The following TTC28 variants were observed in gnomAD, a reference collection of about 807,000 sequenced individuals.
TTC28 encodes the protein tetratricopeptide repeat protein 28.
In TTC28, 61 loss-of-function variants were observed where a neutral mutation model predicts 198.0. The ratio of observed to expected loss-of-function variants is 0.31; its 90% CI spans 0.25 to 0.38. The LOEUF (loss-of-function observed/expected upper bound fraction) is 0.38, where lower values mean the gene tolerates loss of function less well. Among genes scored for constraint, TTC28 ranks in the 10% least tolerant of loss-of-function variants. The pLI is 1.00. For missense variants in TTC28, 2,678 were observed against 3,164.0 expected, an observed-to-expected ratio of 0.85 and a Z score of 3.69; for synonymous variants, 1,171 against 1,297.8, an observed-to-expected ratio of 0.90 and a Z score of 2.10.
intron 2 of TTC28, among the ~76,000 whole-genome samples, chr22:28,584,530 T>G (rs1410574615): frequency 1.3e-5 from 2 of 152,228 alleles, no homozygotes; most frequent in East Asian, 1.9e-4. Flanking sequence ...CTAAGCTGAC[T>G]AATAAAGTAG....
At chr22:28,248,300 A>G (rs1042993855) in intron 5 of TTC28, among the ~76,000 whole-genome samples, 22 of 152,198 alleles carry the variant, frequency 1.4e-4, no homozygotes, top group African/African-American at 5.3e-4. Context: ...TTCTCACTGT[A>G]GCCAGCCTGG....
intron 19 of TTC28, 55 bp from the exon 20 acceptor site, chr22:27,990,867 G>A (rs957968764): frequency 1.0e-4 from 153 of 1,517,578 alleles, no homozygotes; most frequent in Middle Eastern, 5.0e-4. Context: ...AGAGAGTTTA[G>A]ACTCAAGCAC....
chr22:28,223,296 G>A (rs528949967), intron 5 of TTC28, among the ~76,000 whole-genome samples: 2 of 152,316 alleles, frequency 1.3e-5, no homozygotes, highest in Admixed American at 6.5e-5. Flanking sequence ...AGTAGCATAA[G>A]AAGCAAAGGA....
Position 28,257,739 on chromosome 22 carries a change from C to CATATATATAT in TTC28, c.933+38449_933+38458dup, listed in dbSNP as rs66590909. Among the ~76,000 whole-genome samples, 728 of 96,176 alleles carry CATATATATAT rather than the reference C, an allele frequency of 7.6e-3. 7 individuals carry two copies. Among genetic ancestry groups the CATATATATAT allele is most frequent in the African/African-American group, 0.011 (235 of 21,310 alleles). The allele number at this position is 96,176 out of a possible 152,430, so 63.1% of individuals were successfully genotyped here. On this transcript the variant is annotated intron_variant, in intron 5 of 22. Transcript: ENST00000397906. ...TTACCATCTTTAGATGGTAATAGAA[C>CATATATATAT]ATATATATATATATATATATATATA...
chr22:28,500,115 T>A (rs950721464), intron 2 of TTC28, among the ~76,000 whole-genome samples: 2 of 152,250 alleles, frequency 1.3e-5, no homozygotes, highest in East Asian at 1.9e-4. Flanking sequence ...GAATTGTACA[T>A]CTATCACCAC....
chr22:27,982,775 G>A lies in TTC28; in HGVS notation c.6892C>T (p.His2298Tyr). Residue 2298 changes from histidine to tyrosine, a missense_variant, in exon 23 of 23, where the codon CAC becomes TAC. This residue lies in a region of TTC28 where 622 missense variants were observed against 656.0 expected (regional missense o/e 0.95). Transcript: ENST00000397906. The surrounding 1 kb of genome is among the most constrained non-coding windows in gnomAD (Gnocchi z 5.2). ...ATGTTCCTTGGTGATTTGGAAATGTGAGCGCTGTAAGGAGAGCTGGGGTAC... is the reference window on the plus strand; with the variant it reads ...ATGTTCCTTGGTGATTTGGAAATGTAAGCGCTGTAAGGAGAGCTGGGGTAC... The part of the protein sequence containing the change: ...LKYPSSPYSA[H>Y]ISKSPRNMSP... 4 of 1,549,728 alleles carry A rather than the reference G, an allele frequency of 2.6e-6. No homozygotes were observed. Among genetic ancestry groups the A allele is most frequent in the Non-Finnish European group, 3.5e-6 (4 of 1,145,646 alleles).
rs190451688 is a variant in TTC28, at chr22:28,282,314, C to T, written c.933+13884G>A. On this transcript the variant is annotated intron_variant, in intron 5 of 22. Coordinates refer to ENST00000397906, the MANE Select transcript of TTC28 (RefSeq NM_001145418.2). ...ATGATCCTAATATAAATAGCATATA[C>T]TATATAAAAATGAAAATAGTCTATG... Among the ~76,000 whole-genome samples the T allele has an allele frequency of 2.1e-3, 315 of 152,214 alleles. 3 individuals are homozygous for T. The highest frequency in any genetic ancestry group is 7.4e-3 in the African/African-American group (306 of 41,550).
intron 2 of TTC28, among the ~76,000 whole-genome samples, chr22:28,429,733 T>C (rs921347930): frequency 2.0e-5 from 3 of 152,214 alleles, no homozygotes; most frequent in Non-Finnish European, 2.9e-5. Flanking sequence ...GATGGTATAA[T>C]TGAATACTTA....
At chr22:28,542,297 G>C (rs920833061) in intron 2 of TTC28, among the ~76,000 whole-genome samples, 1 of 152,086 alleles carries the variant, frequency 6.6e-6, no homozygotes, top group Non-Finnish European at 1.5e-5. Context: ...TAAAAATAGA[G>C]CATCAGCGGC....
intron 2 of TTC28, among the ~76,000 whole-genome samples, chr22:28,548,731 T>C (rs1014311109): frequency 6.6e-6 from 1 of 152,198 alleles, no homozygotes; most frequent in Non-Finnish European, 1.5e-5. Context: ...CACCTATCAA[T>C]CCAGCATTAT....
chr22:28,530,758 C>T (rs574864155), intron 2 of TTC28, among the ~76,000 whole-genome samples: 4 of 152,330 alleles, frequency 2.6e-5, no homozygotes, highest in African/African-American at 9.6e-5. Context: ...CAATATTCAA[C>T]ATTCTTAAAG....
chr22:28,011,270 G>C (rs950172456), intron 14 of TTC28, among the ~76,000 whole-genome samples: 2 of 152,146 alleles, frequency 1.3e-5, no homozygotes, highest in Non-Finnish European at 2.9e-5. Flanking sequence ...GCAAATTCAA[G>C]TTTGGCTTTT....
At chr22:27,990,918 G>T in intron 19 of TTC28, 106 bp from the exon 20 acceptor site, 1 of 1,124,158 alleles carries the variant, frequency 8.9e-7, no homozygotes. Flanking sequence ...TTTAGGAAGC[G>T]CCACACCAGG....
chr22:28,289,980 C>T (rs1006555423), intron 5 of TTC28, among the ~76,000 whole-genome samples: 2 of 152,082 alleles, frequency 1.3e-5, no homozygotes, highest in Non-Finnish European at 1.5e-5. Flanking sequence ...GCCGAGACTG[C>T]GCCATTGCAC....
chr22:28,657,553 A>G, intron 1 of TTC28, among the ~76,000 whole-genome samples: 1 of 152,228 alleles, frequency 6.6e-6, no homozygotes, highest in East Asian at 1.9e-4. Context: ...GAAGTAAATC[A>G]ATTCACAGAT....
intron 1 of TTC28, among the ~76,000 whole-genome samples, chr22:28,637,004 GTTTTTTTTTT>G (rs35849354): frequency 1.0e-5 from 1 of 97,306 alleles, no homozygotes; most frequent in African/African-American, 3.8e-5. Context: ...CAGGTCTTCA[GTTTTTTTTTT>G]TTTTTTTTTT....
At chr22:28,192,663 G>A (rs536130439) in intron 5 of TTC28, among the ~76,000 whole-genome samples, 15 of 152,214 alleles carry the variant, frequency 9.9e-5, no homozygotes, top group East Asian at 7.7e-4. Flanking sequence ...TTCAGCAGCC[G>A]ATTCAATCAA....
At chr22:28,101,975 C>CT (rs1446413543) in intron 8 of TTC28, among the ~76,000 whole-genome samples, 1 of 152,090 alleles carries the variant, frequency 6.6e-6, no homozygotes, top group East Asian at 1.9e-4. Flanking sequence ...GACAGGTTTG[C>CT]TGGGCAGGCA....
chr22:28,147,087 A>G (rs1042842423), intron 6 of TTC28, among the ~76,000 whole-genome samples: 4 of 152,244 alleles, frequency 2.6e-5, no homozygotes, highest in African/African-American at 7.2e-5. Flanking sequence ...AGTTGAGAAC[A>G]GGCTTAGTCA....
Sources: gnomAD v4.1 joint callset for allele counts (sites outside exome capture counted in the v4.1 genomes callset) on GRCh38, gnomAD v4.1.1 for gene constraint, gnomAD v4.1.1 regional missense constraint, Gnocchi (gnomAD v3.1) non-coding constraint, MANE v1.5 for transcripts, NCBI Gene and HGNC (gene_info 2026-07-23, HGNC 2026-07-21) for gene names.